Variants in SGK1 observed in about 807,000 individuals in gnomAD.
SGK1 encodes serum/glucocorticoid regulated kinase 1, also known as serine/threonine-protein kinase Sgk1.
In SGK1, 26 loss-of-function variants were observed where a neutral mutation model predicts 64.2. The observed-to-expected ratio is 0.40, with a 90% CI of 0.30 to 0.56. SGK1 has a LOEUF of 0.56. Ranked by LOEUF, SGK1 falls within the 20% of genes least tolerant of loss-of-function variation. SGK1 has a pLI of 0.38. For synonymous variants in SGK1, 265 were observed against 239.7 expected (o/e 1.11, Z -0.98); for missense variants, 519 against 645.6 (o/e 0.80, Z 2.12).
intron 3 of SGK1, among the ~76,000 whole-genome samples, chr6:134,206,383 AT>A (rs869072819): frequency 3.3e-3 from 55 of 16,600 alleles, no homozygotes; most frequent in African/African-American, 3.6e-3. Flanking sequence ...ATATATATAT[AT>A]TTTTTTTTTT....
At chr6:134,245,149 C>A (rs1475805264) in intron 2 of SGK1, among the ~76,000 whole-genome samples, 2 of 152,184 alleles carry the variant, frequency 1.3e-5, no homozygotes, top group South Asian at 2.1e-4. Context: ...TGCTATGTTG[C>A]CCATGCTGGT....
intron 2 of SGK1, among the ~76,000 whole-genome samples, chr6:134,216,014 T>A (rs935645412): frequency 5.3e-5 from 8 of 152,116 alleles, no homozygotes; most frequent in Non-Finnish European, 1.0e-4. Flanking sequence ...AGACTCCATC[T>A]CTAAAAACAA....
At chr6:134,192,346 T>C (rs1336976947) in intron 3 of SGK1, among the ~76,000 whole-genome samples, 2 of 152,162 alleles carry the variant, frequency 1.3e-5, no homozygotes, top group Non-Finnish European at 1.5e-5. Context: ...GTGAGCTGCA[T>C]TGTTCACTGA....
At chr6:134,213,515 C>A (rs1033870588) in intron 2 of SGK1, among the ~76,000 whole-genome samples, 3 of 150,656 alleles carry the variant, frequency 2.0e-5, no homozygotes, top group Non-Finnish European at 4.4e-5. Flanking sequence ...GAGCAAAACT[C>A]TGTCTCAAAA....
At chr6:134,299,471 G>A (rs1777413098) in intron 1 of SGK1, among the ~76,000 whole-genome samples, 1 of 152,200 alleles carries the variant, frequency 6.6e-6, no homozygotes, top group South Asian at 2.1e-4. Context: ...TAAGTGTGGA[G>A]TAAGGGTGAA....
chr6:134,170,525 A>G (rs1582678339), intron 13 of SGK1, 90 bp from the exon 14 acceptor site: 1 of 1,242,152 alleles, frequency 8.1e-7, no homozygotes, highest in Non-Finnish European at 1.1e-6. Flanking sequence ...TACCAAGTTT[A>G]AGTCTTATAT....
chr6:134,316,314 G>A (rs949620731), intron 1 of SGK1, among the ~76,000 whole-genome samples: 3 of 152,180 alleles, frequency 2.0e-5, no homozygotes, highest in African/African-American at 7.2e-5. Context: ...GAAGGGCTGT[G>A]TTTCAGGAGT....
At chr6:134,178,431 C>T (rs1775281609) in intron 3 of SGK1, among the ~76,000 whole-genome samples, 1 of 152,064 alleles carries the variant, frequency 6.6e-6, no homozygotes, top group South Asian at 2.1e-4. Context: ...GAGGGGGAGA[C>T]GGGGGAGCTG....
chr6:134,194,558 A>G (rs1359483764), intron 3 of SGK1, among the ~76,000 whole-genome samples: 1 of 138,850 alleles, frequency 7.2e-6, no homozygotes, highest in Non-Finnish European at 1.5e-5. Context: ...TCGCTCCGTT[A>G]CCCAGGCTGG....
chr6:134,192,811 G>A (rs913501854), intron 3 of SGK1, among the ~76,000 whole-genome samples: 50 of 151,754 alleles, frequency 3.3e-4, no homozygotes, highest in African/African-American at 1.2e-3. Flanking sequence ...CGCCTGCCTT[G>A]GCCTCCCAAA....
intron 3 of SGK1, among the ~76,000 whole-genome samples, chr6:134,206,363 ATATATATATATATATATATATTTTTTTT>A (rs1254250118): frequency 0.021 from 468 of 22,650 alleles, 16 homozygotes; most frequent in African/African-American, 0.07. Context: ...ATATATATAT[ATATATATATATATATATATATTTTTTTT>A]TTTTTTTTTT....
At chr6:134,265,653 C>A (rs1776843969) in intron 1 of SGK1, among the ~76,000 whole-genome samples, 1 of 144,932 alleles carries the variant, frequency 6.9e-6, no homozygotes, top group African/African-American at 2.5e-5. Flanking sequence ...TACACAGAAA[C>A]ACTATAGACA....
chr6:134,170,677 CA>C (rs1315982550), intron 13 of SGK1, 148 bp downstream of exon 13: 1 of 724,534 alleles, frequency 1.4e-6, no homozygotes, highest in Non-Finnish European at 2.3e-6. Flanking sequence ...TGTTGGGACA[CA>C]AAAATGTGCT....
chr6:134,220,058 C>CAAAAAAAATAAAAA (rs1776061400), intron 2 of SGK1, among the ~76,000 whole-genome samples: 1 of 61,380 alleles, frequency 1.6e-5, no homozygotes, highest in African/African-American at 1.1e-4. Flanking sequence ...GACTCCGTCT[C>CAAAAAAAATAAAAA]AAAAAAAAAA....
At position 134,317,475 on chromosome 6, in the gene SGK1, A is replaced by G; in HGVS notation, c.-15T>C. On this transcript the variant is annotated 5_prime_UTR_variant, in exon 1 of 14. Transcript: ENST00000367858. ...TTGTTTACCATTTTCCACCGTGGGG[A>G]ATTCACAGTTATAGATCCAGGTTGG... is the stretch of plus-strand genomic sequence containing the variant. The G allele has an allele frequency of 6.3e-7, 1 of 1,582,108 alleles. No homozygotes were observed. Among genetic ancestry groups the G allele is most frequent in the Non-Finnish European group, 8.7e-7 (1 of 1,150,918 alleles).
chr6:134,307,115 G>C (rs1475944123), intron 1 of SGK1, among the ~76,000 whole-genome samples: 1 of 152,118 alleles, frequency 6.6e-6, no homozygotes, highest in Admixed American at 6.6e-5. Context: ...CCATCTGATA[G>C]AGATCAGTTC....
chr6:134,217,123 A>T (rs561102392), intron 2 of SGK1, among the ~76,000 whole-genome samples: 41 of 152,348 alleles, frequency 2.7e-4, no homozygotes, highest in African/African-American at 8.2e-4. Context: ...GGGAGTTGAC[A>T]GAGCACGAAC....
At chr6:134,212,067 T>TGGG (rs67716719) in intron 2 of SGK1, among the ~76,000 whole-genome samples, 1 of 148,370 alleles carries the variant, frequency 6.7e-6, no homozygotes, top group East Asian at 2.0e-4. Flanking sequence ...TTGTTTTTTT[T>TGGG]GGGGGGGACG....
intron 3 of SGK1, among the ~76,000 whole-genome samples, chr6:134,181,094 G>A (rs560003741): frequency 2.6e-5 from 4 of 152,234 alleles, no homozygotes; most frequent in Admixed American, 1.3e-4. Flanking sequence ...GTAAAACTAC[G>A]TGGGCATCTA....
Sources: gnomAD v4.1 joint callset for allele counts (sites outside exome capture counted in the v4.1 genomes callset) on GRCh38, gnomAD v4.1.1 for gene constraint, MANE v1.5 for transcripts, NCBI Gene and HGNC (gene_info 2026-07-23, HGNC 2026-07-21) for gene names.